PPEF1: variants seen among roughly 807,000 people sequenced by gnomAD.
PPEF1 encodes serine/threonine-protein phosphatase with EF-hands 1.
Under a neutral mutation model 53.3 loss-of-function variants are expected in PPEF1, and 12 were observed. That is an observed-to-expected ratio of 0.23 (90% CI 0.14 to 0.36). The LOEUF (loss-of-function observed/expected upper bound fraction) is 0.36. Among genes scored for constraint, PPEF1 ranks in the 10% least tolerant of loss-of-function variants. The pLI is 1.00. For synonymous variants in PPEF1, 165 were observed against 176.7 expected (o/e 0.93, Z 0.52); for missense variants, 334 against 490.4 (o/e 0.68, Z 3.01).
chrX:18,782,413 C>A lies in PPEF1; in HGVS notation c.762+11C>A. 1.1e-6 allele frequency: 1 copy of A among 939,544 alleles called. No individual in the cohort carries two copies. The allele number at this position is 939,544 out of a possible 1,213,427, so 77.4% of individuals were successfully genotyped here. ...TTGCATAAATATAAGGTAAGACATG[C>A]TTTTTTTTTTTTTTTTAGTATTCAC... is the stretch of plus-strand genomic sequence containing the variant. On this transcript the variant is annotated intron_variant, in intron 8 of 15. Transcript: ENST00000470157.
chrX:18,740,410 TC>T (rs2045121041), intron 3 of PPEF1, among the ~76,000 whole-genome samples: 1 of 80,647 alleles, frequency 1.2e-5, no homozygotes, highest in Admixed American at 1.2e-4. Context: ...CCTCTCTCTC[TC>T]TCTTTTTTTT....
chrX:18,733,468 C>T (rs2044885233), intron 2 of PPEF1, among the ~76,000 whole-genome samples: 1 of 112,058 alleles, frequency 8.9e-6, no homozygotes, highest in Non-Finnish European at 1.9e-5. Context: ...TTGTCCCTGG[C>T]AGAGGCAAGG....
intron 3 of PPEF1, among the ~76,000 whole-genome samples, chrX:18,739,538 G>A (rs1056418950): frequency 3.3e-4 from 37 of 111,611 alleles, no homozygotes; most frequent in Non-Finnish European, 5.5e-4. Flanking sequence ...GGTGTCATTC[G>A]GCCCCTCCTG....
intron 1 of PPEF1, among the ~76,000 whole-genome samples, chrX:18,712,721 C>G (rs2044355934): frequency 8.9e-6 from 1 of 111,909 alleles, no homozygotes; most frequent in African/African-American, 3.2e-5. Flanking sequence ...AGTGTTTCAC[C>G]AGTAAGTCTT....
At chrX:18,679,420 G>T (rs768391027), upstream of PPEF1, among the ~76,000 whole-genome samples, 1 of 111,616 alleles carries the variant, frequency 9.0e-6, no homozygotes, top group Non-Finnish European at 1.9e-5. Flanking sequence ...CATCTTTCCA[G>T]CTATTTAGGC....
rs1398652840 is a variant in PPEF1 at position 18,734,698 on chromosome X, C to T, written c.235+890C>T. ...TTCTGGTTCTAGATCCTTGAGGAAT[C>T]GCCACACTGTCTTCCACAATGGTTG... On this transcript the variant is annotated intron_variant, in intron 3 of 15. Transcript: ENST00000470157. 8.1e-5 allele frequency among the ~76,000 whole-genome samples: 9 copies of T among 111,334 alleles called. 1 individual carries two copies. In the East Asian group the frequency reaches 8.5e-4, roughly 11 times the overall value.
At chrX:18,788,616 T>C (rs764315846) in intron 9 of PPEF1, among the ~76,000 whole-genome samples, 1 of 111,630 alleles carries the variant, frequency 9.0e-6, no homozygotes, top group East Asian at 2.8e-4. Context: ...GCATTTAGGT[T>C]GGAAGGGCTT....
upstream of PPEF1, among the ~76,000 whole-genome samples, chrX:18,680,159 C>T (rs1228957176): frequency 2.7e-5 from 3 of 109,685 alleles, no homozygotes; most frequent in Non-Finnish European, 3.8e-5. Flanking sequence ...CACCGGCCTG[C>T]TTGCTGCCCT....
chrX:18,779,236 T>C (rs2046032983), intron 7 of PPEF1, 60 bp downstream of exon 7: 2 of 1,030,328 alleles, frequency 1.9e-6, no homozygotes, highest in Non-Finnish European at 2.6e-6. Context: ...AATGCTGCCA[T>C]ATTTAATTCC....
intron 10 of PPEF1, among the ~76,000 whole-genome samples, chrX:18,794,163 T>C (rs1254515075): frequency 1.8e-5 from 2 of 113,215 alleles, no homozygotes; most frequent in Non-Finnish European, 3.7e-5. Context: ...GGGGCAGGGC[T>C]TTAACCATGT....
At chrX:18,725,833 G>T (rs2044693548) in intron 1 of PPEF1, among the ~76,000 whole-genome samples, 1 of 111,080 alleles carries the variant, frequency 9.0e-6, no homozygotes, top group South Asian at 3.8e-4. Context: ...GGGACCATAG[G>T]TGTTTATAAA....
In PPEF1 at chrX:18,786,655, C is replaced by T. The variant is rs182006138; in HGVS notation, c.913-2466C>T. The stretch of plus-strand genomic sequence containing the variant: ...AAAAATAGCTGGGCATGGTGGTGCA[C>T]ACCTGTAATCCCAGCTACTTGGGAG... On this transcript the variant is annotated intron_variant, in intron 9 of 15. Transcript: ENST00000470157. 7.8e-3 allele frequency among the ~76,000 whole-genome samples: 842 copies of T among 108,303 alleles called. 8 individuals are homozygous for T. The highest frequency in any genetic ancestry group is 0.027 in the African/African-American group (806 of 29,741). 94.0% of individuals were successfully genotyped at this position (108,303 alleles called of 115,157 possible). A position where few individuals can be genotyped will look rare whatever the true frequency, so the allele number is the denominator to read the frequency against.
In PPEF1 at chrX:18,827,568, A is replaced by G; in HGVS notation, c.*81A>G. 1.3e-6 allele frequency: 1 copy of G among 798,752 alleles called. No homozygotes were observed. The highest frequency in any genetic ancestry group is 1.8e-6 in the Non-Finnish European group (1 of 543,886). 65.8% of individuals were successfully genotyped at this position (798,752 alleles called of 1,213,427 possible). A position where few individuals can be genotyped will look rare whatever the true frequency, so the allele number is the denominator to read the frequency against. ...TACAGTCCTTTCCAACACCCCTGAA[A>G]TTCATAGTCAGTAGCAGAGAAAAGC... is the stretch of plus-strand genomic sequence containing the variant. On this transcript the variant is annotated 3_prime_UTR_variant, in exon 16 of 16. Transcript: ENST00000470157.
intron 12 of PPEF1, among the ~76,000 whole-genome samples, chrX:18,815,531 T>C (rs2046888449): frequency 8.9e-6 from 1 of 112,189 alleles, no homozygotes; most frequent in Non-Finnish European, 1.9e-5. Flanking sequence ...AGTTTTTTAA[T>C]TTCTTCCTAG....
chrX:18,727,676 C>T (rs981990859), intron 1 of PPEF1, among the ~76,000 whole-genome samples: 1 of 110,548 alleles, frequency 9.0e-6, no homozygotes, highest in Admixed American at 9.7e-5. Context: ...GACTGCCTAC[C>T]CACCCCACCC....
chrX:18,783,381 C>T (rs1256408085), intron 8 of PPEF1, among the ~76,000 whole-genome samples: 1 of 110,354 alleles, frequency 9.1e-6, no homozygotes, highest in African/African-American at 3.3e-5. Flanking sequence ...GACAGTCTCT[C>T]CTCCAGAGTC....
chrX:18,781,074 TG>T (rs1395730735), intron 7 of PPEF1, among the ~76,000 whole-genome samples: 2 of 23,349 alleles, frequency 8.6e-5, no homozygotes, highest in South Asian at 3.3e-3. Flanking sequence ...AAAAAAAGGG[TG>T]GGGGGAGGGA....
chrX:18,678,188 C>T (rs760516620), upstream of PPEF1, among the ~76,000 whole-genome samples: 31 of 102,898 alleles, frequency 3.0e-4, no homozygotes, highest in Non-Finnish European at 5.5e-4. Flanking sequence ...CCCAGCACTT[C>T]GGGAAGCTGA....
chrX:18,679,134 C>A (rs910096816), upstream of PPEF1, among the ~76,000 whole-genome samples: 3 of 112,315 alleles, frequency 2.7e-5, no homozygotes, highest in Admixed American at 2.8e-4. Context: ...AGTGCAGCAG[C>A]GCCATCTTAG....
Sources: gnomAD v4.1 joint callset for allele counts (sites outside exome capture counted in the v4.1 genomes callset) on GRCh38, gnomAD v4.1.1 for gene constraint, MANE v1.5 for transcripts, NCBI Gene and HGNC (gene_info 2026-07-23, HGNC 2026-07-21) for gene names.